ANO3: variants seen among roughly 807,000 people sequenced by gnomAD.
ANO3 encodes the protein anoctamin-3.
ANO3 carries 99 observed loss-of-function variants against 144.8 expected under a neutral mutation model. The observed-to-expected ratio is 0.68, with a 90% CI of 0.58 to 0.81. The LOEUF (loss-of-function observed/expected upper bound fraction) is 0.81, where lower values mean the gene tolerates loss of function less well. ANO3 is among the 30% of genes least tolerant of loss of function. The probability of loss-of-function intolerance (pLI) is 0.00; values close to 1 mark genes in which losing one functional copy is unlikely to be tolerated. For missense variants in ANO3, 905 were observed against 1,202.2 expected (o/e 0.75, Z 3.66); for synonymous variants, 414 against 392.6 (o/e 1.05, Z -0.64).
chr11:26,363,980 C>T (rs1177867370), intron 1 of ANO3, among the ~76,000 whole-genome samples: 3 of 152,100 alleles, frequency 2.0e-5, no homozygotes, highest in African/African-American at 2.4e-5. Context: ...CAGGACAGTC[C>T]TTATAGGACT....
chr11:26,478,394 A>G (rs572067794), intron 4 of ANO3, among the ~76,000 whole-genome samples: 3 of 152,178 alleles, frequency 2.0e-5, no homozygotes, highest in South Asian at 2.1e-4. Context: ...GAGACTTTAC[A>G]TATTGATGTA....
intron 14 of ANO3, among the ~76,000 whole-genome samples, chr11:26,597,445 A>G (rs773126871): frequency 1.2e-4 from 19 of 152,168 alleles, no homozygotes; most frequent in Non-Finnish European, 2.6e-4. Context: ...CTGGATCCAG[A>G]GCGGCAATGG....
chr11:26,598,244 A>G, intron 14 of ANO3, 121 bp from the exon 15 acceptor site: 1 of 430,416 alleles, frequency 2.3e-6, no homozygotes, highest in Non-Finnish European at 3.8e-6. Context: ...AGGGAAAAAT[A>G]AAATTTTAAT....
chr11:26,339,929 T>TGCA, intron 1 of ANO3, among the ~76,000 whole-genome samples: 1 of 152,314 alleles, frequency 6.6e-6, no homozygotes, highest in East Asian at 1.9e-4. Flanking sequence ...GTAGGAAGCC[T>TGCA]GCAGCAGCTG....
At chr11:26,448,033 C>A (rs1358640967) in intron 3 of ANO3, among the ~76,000 whole-genome samples, 1 of 152,190 alleles carries the variant, frequency 6.6e-6, no homozygotes, top group African/African-American at 2.4e-5. Flanking sequence ...GGTGCAGTGG[C>A]TCATGCCTGT....
chr11:26,651,022 C>A (rs1009858742), intron 24 of ANO3, among the ~76,000 whole-genome samples: 12 of 152,110 alleles, frequency 7.9e-5, no homozygotes, highest in African/African-American at 4.8e-5. Context: ...TTTTGGATAA[C>A]TTTTGTTTAC....
At chr11:26,209,335 A>G (rs1166440384) in intron 1 of ANO3, among the ~76,000 whole-genome samples, 1 of 152,134 alleles carries the variant, frequency 6.6e-6, no homozygotes, top group Admixed American at 6.5e-5. Context: ...CATCTTTTTT[A>G]TGGCTGCAAA....
intron 13 of ANO3, among the ~76,000 whole-genome samples, chr11:26,554,162 A>G (rs922284609): frequency 6.6e-6 from 1 of 152,084 alleles, no homozygotes; most frequent in Non-Finnish European, 1.5e-5. Context: ...TATTTTCTAG[A>G]TTCTTGTGTA....
intron 1 of ANO3, among the ~76,000 whole-genome samples, chr11:26,289,401 T>G (rs573066779): frequency 6.6e-6 from 1 of 151,004 alleles, no homozygotes; most frequent in Non-Finnish European, 1.5e-5. Flanking sequence ...TAAAACATAT[T>G]TGGCACTAAA....
chr11:26,656,321 G>A (rs982252984), intron 25 of ANO3, 55 bp from the exon 26 acceptor site: 14 of 1,461,268 alleles, frequency 9.6e-6, no homozygotes, highest in Non-Finnish European at 1.3e-5. Flanking sequence ...AAGAAAATTT[G>A]GGCCTCCACT....
rs1294191028 is a variant in ANO3, at chr11:26,547,441, C to G, written c.1180C>G (p.Leu394Val). The change falls in exon 12 of 27, where the codon CTA becomes GTA. Residue 394 changes from leucine to valine, a missense_variant. Leu to Val is a conservative substitution (Grantham distance 32). This residue lies in a region of ANO3 where 597 missense variants were observed against 865.1 expected (regional missense o/e 0.69). Transcript: ENST00000256737. ...GCTATACTTTGGTGAGAAGATTGGA[C>G]TATACTTTGCTTGGCTGGGATGGTA... Reference protein sequence around the residue: ...IRLYFGEKIGLYFAWLGWYTG... With the variant: ...IRLYFGEKIGVYFAWLGWYTG... 1 of 1,611,744 alleles carries G rather than the reference C, an allele frequency of 6.2e-7. No individual in the cohort carries two copies. Among genetic ancestry groups the G allele is most frequent in the Non-Finnish European group, 8.5e-7 (1 of 1,178,466 alleles).
chr11:26,514,298 C>T (rs1861780039), intron 5 of ANO3, among the ~76,000 whole-genome samples: 1 of 151,994 alleles, frequency 6.6e-6, no homozygotes, highest in Non-Finnish European at 1.5e-5. Flanking sequence ...CAAAAAGATT[C>T]AAGCTTTGTA....
chr11:26,487,130 C>T (rs1860482643), intron 4 of ANO3, among the ~76,000 whole-genome samples: 1 of 152,178 alleles, frequency 6.6e-6, no homozygotes, highest in African/African-American at 2.4e-5. Flanking sequence ...TGTCCTCACC[C>T]AAATCCCAAC....
intron 14 of ANO3, chr11:26,561,288 TC>T: frequency 8.1e-7 from 1 of 1,241,694 alleles, no homozygotes; most frequent in Non-Finnish European, 1.1e-6. Context: ...TGTTCAGGCA[TC>T]CACCAAGTTA....
At chr11:26,339,862 A>G (rs1005131918) in intron 1 of ANO3, among the ~76,000 whole-genome samples, 1 of 152,128 alleles carries the variant, frequency 6.6e-6, no homozygotes, top group African/African-American at 2.4e-5. Flanking sequence ...TTCCTCTTAA[A>G]CTGCACTGCA....
rs530615325 is a variant in ANO3, at chr11:26,408,446, A to G, written c.47-33472A>G. ...TGAGATACCATCTCACACCAGTTAGAATGGCAATCATTAAAAAGTCAGGAA... is the reference window on the plus strand; with the variant it reads ...TGAGATACCATCTCACACCAGTTAGGATGGCAATCATTAAAAAGTCAGGAA... On this transcript the variant is annotated intron_variant, in intron 1 of 26. Transcript: ENST00000256737. Among the ~76,000 whole-genome samples, 585 of 151,984 alleles carry G rather than the reference A, an allele frequency of 3.8e-3. 3 individuals are homozygous for G. Among genetic ancestry groups the G allele is most frequent in the Admixed American group, 6.0e-3 (91 of 15,242 alleles).
At chr11:26,438,043 A>G (rs1858355995) in intron 1 of ANO3, among the ~76,000 whole-genome samples, 1 of 152,068 alleles carries the variant, frequency 6.6e-6, no homozygotes, top group Non-Finnish European at 1.5e-5. Context: ...CTGAACAAAA[A>G]AATAATAAAC....
chr11:26,355,740 A>G (rs1855765652), intron 1 of ANO3, among the ~76,000 whole-genome samples: 1 of 151,890 alleles, frequency 6.6e-6, no homozygotes. Context: ...TTGTATATTT[A>G]GTAGAGACGG....
intron 1 of ANO3, among the ~76,000 whole-genome samples, chr11:26,346,611 A>G (rs1313611680): frequency 3.9e-5 from 6 of 152,204 alleles, no homozygotes; most frequent in Non-Finnish European, 8.8e-5. Flanking sequence ...GGGATTGGAA[A>G]TGACAAGGAA....
Sources: allele counts gnomAD v4.1 joint callset (sites outside exome capture counted in the v4.1 genomes callset), GRCh38; gene constraint gnomAD v4.1.1; regional missense constraint gnomAD v4.1.1; transcripts MANE v1.5; gene names NCBI Gene and HGNC (gene_info 2026-07-23, HGNC 2026-07-21).